Variants in LRFN5 observed in about 807,000 individuals in gnomAD.
LRFN5 encodes the protein leucine rich repeat and fibronectin type III domain containing 5, also known as leucine-rich repeat and fibronectin type-III domain-containing protein 5.
In LRFN5, 24 loss-of-function variants were observed where a neutral mutation model predicts 45.6. The ratio of observed to expected loss-of-function variants is 0.53; its 90% CI spans 0.38 to 0.74. The LOEUF is 0.74. LRFN5 is among the 30% of genes least tolerant of loss of function. The pLI is 0.00. For synonymous variants in LRFN5, 340 were observed against 313.8 expected (o/e 1.08, Z -0.88); for missense variants, 776 against 861.5 (o/e 0.90, Z 1.24).
At chr14:41,805,372 A>G (rs1887483560) in intron 2 of LRFN5, among the ~76,000 whole-genome samples, 1 of 149,180 alleles carries the variant, frequency 6.7e-6, no homozygotes, top group Non-Finnish European at 1.5e-5. Flanking sequence ...TCCTCAGGGC[A>G]TACTTACATA....
chr14:41,882,974 CA>C (rs1325057388), intron 2 of LRFN5, among the ~76,000 whole-genome samples: 3 of 151,584 alleles, frequency 2.0e-5, no homozygotes, highest in African/African-American at 7.3e-5. Flanking sequence ...TCAGCCTCCC[CA>C]GTAACTGGGA....
intron 1 of LRFN5, among the ~76,000 whole-genome samples, chr14:41,734,316 T>TTTTATATATATA (rs1555358693): frequency 5.2e-5 from 2 of 38,768 alleles, no homozygotes; most frequent in Non-Finnish European, 1.4e-4. Flanking sequence ...TGGACTGGTT[T>TTTTATATATATA]TATATATATA....
rs1391980007 is a variant in LRFN5, at chr14:41,751,595, GTCTC to G, written c.-196-15256_-196-15253del. Among the ~76,000 whole-genome samples the G allele has an allele frequency of 7.2e-5, 11 of 152,064 alleles. No homozygotes were observed. In the East Asian group the frequency reaches 2.1e-3, roughly 30 times the overall value. On this transcript the variant is annotated intron_variant, in intron 1 of 5. Coordinates refer to ENST00000298119, the MANE Select transcript of LRFN5 (RefSeq NM_152447.5). ...GTATCTGTTTATCTCATCTTTGGAAGTCTCTCCAAGCAGATGCACACTCTGAGGA... is the reference window on the plus strand; with the variant it reads ...GTATCTGTTTATCTCATCTTTGGAAGTCCAAGCAGATGCACACTCTGAGGA...
chr14:41,734,350 A>ATATATATATATATATT (rs1884331290), intron 1 of LRFN5, among the ~76,000 whole-genome samples: 1 of 115,762 alleles, frequency 8.6e-6, no homozygotes, highest in Non-Finnish European at 1.9e-5. Flanking sequence ...ATATATTTAA[A>ATATATATATATATATT]TTTGCTGTAA....
intron 2 of LRFN5, among the ~76,000 whole-genome samples, chr14:41,845,214 A>G (rs1389657925): frequency 6.6e-6 from 1 of 152,158 alleles, no homozygotes; most frequent in East Asian, 1.9e-4. Context: ...TGCATTATAT[A>G]AAATATTTTG....
chr14:41,797,726 T>C lies in LRFN5; in HGVS notation c.-21+30697T>C, dbSNP rs202031602. 2.0e-5 allele frequency among the ~76,000 whole-genome samples: 3 copies of C among 151,778 alleles called. No homozygotes were observed. In the East Asian group the frequency reaches 5.8e-4, roughly 29 times the overall value. On this transcript the variant is annotated intron_variant, in intron 2 of 5. Coordinates refer to ENST00000298119, the MANE Select transcript of LRFN5 (RefSeq NM_152447.5). ...ATATATTTATCTACCCATCTGTCCATCTATCTGTCTGTTCATCTTTGAGAA... is the reference window on the plus strand; with the variant it reads ...ATATATTTATCTACCCATCTGTCCACCTATCTGTCTGTTCATCTTTGAGAA...
At chr14:41,834,797 G>T (rs1437085870) in intron 2 of LRFN5, among the ~76,000 whole-genome samples, 1 of 151,908 alleles carries the variant, frequency 6.6e-6, no homozygotes, top group Admixed American at 6.6e-5. Context: ...TGAGTAGCTG[G>T]TACTACAGGC....
intron 1 of LRFN5, among the ~76,000 whole-genome samples, chr14:41,696,061 G>A (rs190929901): frequency 2.6e-5 from 4 of 152,054 alleles, no homozygotes; most frequent in Non-Finnish European, 5.9e-5. Context: ...TTGGAAGTTT[G>A]ATTCCAACTT....
At chr14:41,891,203 T>G in intron 3 of LRFN5, 47 bp from the exon 4 acceptor site, 1 of 1,416,666 alleles carries the variant, frequency 7.1e-7, no homozygotes, top group Non-Finnish European at 9.9e-7. Context: ...TCTGTGTATG[T>G]GTTTTGTTTT....
intron 2 of LRFN5, among the ~76,000 whole-genome samples, chr14:41,869,233 T>C (rs1268907281): frequency 1.3e-5 from 2 of 152,278 alleles, no homozygotes; most frequent in African/African-American, 4.8e-5. Context: ...CAAATGACAC[T>C]GCTGAAAGGA....
At chr14:41,776,274 AG>A (rs1466613287) in intron 2 of LRFN5, among the ~76,000 whole-genome samples, 1 of 152,198 alleles carries the variant, frequency 6.6e-6, no homozygotes, top group East Asian at 1.9e-4. Flanking sequence ...ATTCATGTCA[AG>A]GGATCTATGC....
intron 1 of LRFN5, among the ~76,000 whole-genome samples, chr14:41,686,826 A>G (rs1293518840): frequency 6.6e-6 from 1 of 152,102 alleles, no homozygotes; most frequent in Non-Finnish European, 1.5e-5. Flanking sequence ...GATCATGGGG[A>G]TAAGTTTTTT....
In LRFN5 at chr14:41,801,635, A is replaced by C. The variant is rs543199280; in HGVS notation, c.-21+34606A>C. On this transcript the variant is annotated intron_variant, in intron 2 of 5. Transcript: ENST00000298119. Reference sequence around the variant, plus strand: ...ACAAGAAGGATCCTTGAGGAGCTTGAATCTCGCAGCCTGTGCTCATTATCC... The same window carrying C: ...ACAAGAAGGATCCTTGAGGAGCTTGCATCTCGCAGCCTGTGCTCATTATCC... 1.3e-4 allele frequency among the ~76,000 whole-genome samples: 20 copies of C among 152,328 alleles called. 2 individuals carry two copies. The South Asian group carries it at 3.9e-3, about 30-fold the overall frequency.
intron 1 of LRFN5, among the ~76,000 whole-genome samples, chr14:41,670,585 T>C (rs1216583758): frequency 6.6e-6 from 1 of 151,762 alleles, no homozygotes; most frequent in Non-Finnish European, 1.5e-5. Context: ...TTAATTTTAT[T>C]TATTATGTGT....
chr14:41,891,217 A>T, intron 3 of LRFN5, 33 bp from the exon 4 acceptor site: 1 of 1,551,352 alleles, frequency 6.4e-7, no homozygotes, highest in Non-Finnish European at 8.8e-7. Context: ...TTGTTTTGTT[A>T]TTAATATTAA....
At chr14:41,685,599 T>C (rs1882083180) in intron 1 of LRFN5, among the ~76,000 whole-genome samples, 1 of 152,158 alleles carries the variant, frequency 6.6e-6, no homozygotes, top group African/African-American at 2.4e-5. Flanking sequence ...TGATTTGGGG[T>C]TTTACATACA....
At chr14:41,712,099 T>C (rs1418011147) in intron 1 of LRFN5, among the ~76,000 whole-genome samples, 1 of 152,056 alleles carries the variant, frequency 6.6e-6, no homozygotes, top group African/African-American at 2.4e-5. Flanking sequence ...GAAGTGGAGG[T>C]AATATCGGGG....
At chr14:41,841,485 T>C (rs1888858132) in intron 2 of LRFN5, among the ~76,000 whole-genome samples, 1 of 151,978 alleles carries the variant, frequency 6.6e-6, no homozygotes, top group African/African-American at 2.4e-5. Context: ...TTATACCATT[T>C]TGTGTCTGGT....
chr14:41,788,858 G>A (rs899348955), intron 2 of LRFN5, among the ~76,000 whole-genome samples: 4 of 151,946 alleles, frequency 2.6e-5, no homozygotes, highest in Admixed American at 6.6e-5. Context: ...TCCCATGTGC[G>A]TGTTAATATA....
Sources: gnomAD v4.1 joint callset for allele counts (sites outside exome capture counted in the v4.1 genomes callset) on GRCh38, gnomAD v4.1.1 for gene constraint, MANE v1.5 for transcripts, NCBI Gene and HGNC (gene_info 2026-07-23, HGNC 2026-07-21) for gene names.